IGFL4: variants seen among roughly 807,000 people sequenced by gnomAD.
IGFL4 encodes the protein insulin growth factor-like family member 4.
In IGFL4, 12 loss-of-function variants were observed where a neutral mutation model predicts 15.4. That is an observed-to-expected ratio of 0.78 (90% CI 0.50 to 1.26). The LOEUF (loss-of-function observed/expected upper bound fraction) is 1.26. IGFL4 is among the 50% of genes most tolerant of loss of function. The probability of loss-of-function intolerance (pLI) is 0.00; values close to 1 mark genes in which losing one functional copy is unlikely to be tolerated. For synonymous variants in IGFL4, 54 were observed against 55.9 expected (o/e 0.97, Z 0.16); for missense variants, 126 against 147.8 (o/e 0.85, Z 0.76).
chr19:46,074,273 A>T (rs547898083), intron 1 of IGFL4, among the ~76,000 whole-genome samples: 1 of 151,306 alleles, frequency 6.6e-6, no homozygotes, highest in South Asian at 2.1e-4. Context: ...AACGAGCAGG[A>T]GATATATATA....
chr19:46,065,598 C>T (rs902466228), intron 1 of IGFL4, among the ~76,000 whole-genome samples: 12 of 152,228 alleles, frequency 7.9e-5, no homozygotes, highest in African/African-American at 1.7e-4. Flanking sequence ...TGAGCCACCG[C>T]GCCTGGCTGG....
intron 1 of IGFL4, among the ~76,000 whole-genome samples, chr19:46,076,718 A>G (rs1969602097): frequency 6.7e-6 from 1 of 148,722 alleles, no homozygotes; most frequent in African/African-American, 2.5e-5. Context: ...TATAATAAAT[A>G]TAAATAATAA....
At chr19:46,053,818 C>T (rs991214453) in intron 2 of IGFL4, among the ~76,000 whole-genome samples, 6 of 152,124 alleles carry the variant, frequency 3.9e-5, no homozygotes, top group African/African-American at 1.4e-4. Flanking sequence ...TAACCTAACT[C>T]AGGTGAGATG....
intron 1 of IGFL4, among the ~76,000 whole-genome samples, chr19:46,070,157 T>TC (rs984691101): frequency 1.3e-5 from 2 of 151,796 alleles, no homozygotes; most frequent in African/African-American, 4.8e-5. Flanking sequence ...TTTTTTTTTT[T>TC]TGCCTTATCT....
chr19:46,073,796 C>G (rs1299454673), intron 1 of IGFL4, among the ~76,000 whole-genome samples: 1 of 152,164 alleles, frequency 6.6e-6, no homozygotes, highest in Non-Finnish European at 1.5e-5. Flanking sequence ...GACTCACAAT[C>G]TCAACTTCTT....
At chr19:46,047,946 C>T (rs184429614) in intron 2 of IGFL4, among the ~76,000 whole-genome samples, 1 of 152,282 alleles carries the variant, frequency 6.6e-6, no homozygotes, top group African/African-American at 2.4e-5. Flanking sequence ...GATACCAAAA[C>T]CTGGCAGAGA....
upstream of IGFL4, among the ~76,000 whole-genome samples, chr19:46,044,406 T>G (rs1969278084): frequency 6.6e-6 from 1 of 152,136 alleles, no homozygotes; most frequent in Non-Finnish European, 1.5e-5. Context: ...TGGACCCCAC[T>G]TCCACAGCAC....
intron 1 of IGFL4, among the ~76,000 whole-genome samples, chr19:46,074,286 C>CATATAT (rs60167445): frequency 6.7e-6 from 1 of 149,894 alleles, no homozygotes; most frequent in African/African-American, 2.5e-5. Context: ...TATATATATA[C>CATATAT]ATATATATAT....
At chr19:46,048,296 A>G (rs544718612) in intron 2 of IGFL4, among the ~76,000 whole-genome samples, 1 of 152,332 alleles carries the variant, frequency 6.6e-6, no homozygotes, top group South Asian at 2.1e-4. Flanking sequence ...ATATATGACA[A>G]ACTCACAGCC....
Position 46,059,717 on chromosome 19 carries a change from C to T in IGFL4, c.-323+468G>A, listed in dbSNP as rs1969426986. Reference sequence around the variant, plus strand: ...ACCAATTTGCTTTATTATACTTGGCCTAATTATTTGTATAAAGTGCAGCAA... The same window carrying T: ...ACCAATTTGCTTTATTATACTTGGCTTAATTATTTGTATAAAGTGCAGCAA... On this transcript the variant is annotated intron_variant, in intron 2 of 5. Coordinates refer to the IGFL4 transcript ENST00000601672. 2 of 152,142 alleles carry T rather than the reference C, an allele frequency of 1.3e-5. 1 individual carries two copies. Among genetic ancestry groups the T allele is most frequent in the African/African-American group, 4.8e-5 (2 of 41,412 alleles). 9.4% of individuals were successfully genotyped at this position (152,142 alleles called of 1,614,324 possible).
At chr19:46,057,895 A>C (rs780640352) in intron 2 of IGFL4, 1 of 152,174 alleles carries the variant, frequency 6.6e-6, no homozygotes, top group Non-Finnish European at 1.5e-5. Flanking sequence ...CCATGATTTA[A>C]TTACCTCCCA....
chr19:46,075,349 C>G (rs1422849055), intron 1 of IGFL4, among the ~76,000 whole-genome samples: 2 of 152,174 alleles, frequency 1.3e-5, no homozygotes, highest in African/African-American at 4.8e-5. Context: ...TCTCTTTAGC[C>G]TCCTCTTGAC....
intron 1 of IGFL4, among the ~76,000 whole-genome samples, chr19:46,068,494 T>A (rs1969515861): frequency 6.6e-6 from 1 of 152,198 alleles, no homozygotes; most frequent in Non-Finnish European, 1.5e-5. Context: ...TTTACCAGAT[T>A]TGAACTTTTC....
chr19:46,063,359 AC>A (rs1969464299), intron 1 of IGFL4, among the ~76,000 whole-genome samples: 3 of 151,798 alleles, frequency 2.0e-5, no homozygotes, highest in Non-Finnish European at 2.9e-5. Context: ...ACACACACAC[AC>A]ACACACATAC....
At chr19:46,059,988 AGG>A (rs1311184999) in intron 2 of IGFL4, 2 of 152,050 alleles carry the variant, frequency 1.3e-5, no homozygotes, top group South Asian at 2.1e-4. Flanking sequence ...TGTGTAGACA[AGG>A]CATGAGGCCA....
upstream of IGFL4, chr19:46,041,109 A>G: frequency 1.9e-5 from 13 of 669,106 alleles, no homozygotes; most frequent in South Asian, 2.7e-4. Flanking sequence ...AGGCAAAAAG[A>G]GCTGCAGGGA....
At chr19:46,064,215 CATGAG>C (rs1308340417) in intron 1 of IGFL4, among the ~76,000 whole-genome samples, 1 of 151,916 alleles carries the variant, frequency 6.6e-6, no homozygotes, top group African/African-American at 2.4e-5. Context: ...TTATGGGGTA[CATGAG>C]ATGTTTTAAT....
intron 2 of IGFL4, chr19:46,058,049 C>G (rs1969409510): frequency 2.0e-5 from 3 of 152,118 alleles, no homozygotes; most frequent in African/African-American, 7.2e-5. Context: ...ATCATACCTT[C>G]CCCACAGTCC....
chr19:46,040,244 G>C lies in IGFL4; in HGVS notation c.243C>G (p.Gly81=). 4 of 1,614,190 alleles carry C rather than the reference G, an allele frequency of 2.5e-6. No homozygotes were observed. The highest frequency in any genetic ancestry group is 3.4e-6 in the Non-Finnish European group (4 of 1,180,028). The part of the protein sequence containing the change: ...CFQHCCLESL[G]SQNQTVVRFK... ...ACCTCACAACTGTCTGGTTCTGAGA[G>C]CCCAAAGACTCCAGGCAGCAGTGCT... Residue 81 remains glycine (G), a synonymous_variant, in exon 3 of 4, where the codon GGC becomes GGG. Transcript: ENST00000377697. The surrounding 1 kb of genome is among the most constrained non-coding windows in gnomAD (Gnocchi z 4.1).
Sources: allele counts gnomAD v4.1 joint callset (sites outside exome capture counted in the v4.1 genomes callset), GRCh38; gene constraint gnomAD v4.1.1; non-coding constraint Gnocchi (gnomAD v3.1); transcripts MANE v1.5; gene names NCBI Gene and HGNC (gene_info 2026-07-23, HGNC 2026-07-21).